Variants in RIMS2 observed in about 807,000 individuals in gnomAD.
RIMS2 encodes the protein regulating synaptic membrane exocytosis 2.
RIMS2 carries 59 observed loss-of-function variants against 174.4 expected under a neutral mutation model. That is an observed-to-expected ratio of 0.34 (90% CI 0.27 to 0.42). RIMS2 has a LOEUF of 0.42. Among genes scored for constraint, RIMS2 ranks in the 10% least tolerant of loss-of-function variants. The pLI is 1.00. For synonymous variants in RIMS2, 606 were observed against 572.5 expected (o/e 1.06, Z -0.84); for missense variants, 1,620 against 1,666.3 (o/e 0.97, Z 0.48).
chr8:103,659,038 C>T (rs1013082059), intron 1 of RIMS2, among the ~76,000 whole-genome samples: 3 of 152,134 alleles, frequency 2.0e-5, no homozygotes, highest in Non-Finnish European at 2.9e-5. Flanking sequence ...TGATAGAAAT[C>T]GAAGAGTCCT....
At chr8:103,598,490 T>G (rs1447361727) in intron 1 of RIMS2, among the ~76,000 whole-genome samples, 1 of 152,192 alleles carries the variant, frequency 6.6e-6, no homozygotes, top group Non-Finnish European at 1.5e-5. Context: ...ATTTTATTTG[T>G]CAGGAAAATA....
intron 1 of RIMS2, among the ~76,000 whole-genome samples, chr8:103,675,531 A>C (rs1333276889): frequency 2.6e-5 from 4 of 152,204 alleles, no homozygotes; most frequent in Non-Finnish European, 5.9e-5. Flanking sequence ...CAGAACCTAG[A>C]GGCTTGAAAC....
chr8:103,685,858 T>TA (rs1460912678), intron 1 of RIMS2, among the ~76,000 whole-genome samples: 3 of 152,126 alleles, frequency 2.0e-5, no homozygotes, highest in South Asian at 2.1e-4. Flanking sequence ...CAATTTTTAT[T>TA]AAAAAAATGC....
chr8:104,135,036 T>G (rs1347536524), intron 19 of RIMS2, among the ~76,000 whole-genome samples: 1 of 152,196 alleles, frequency 6.6e-6, no homozygotes, highest in Non-Finnish European at 1.5e-5. Context: ...TCATGAAGTT[T>G]TTTTCATAAT....
intron 1 of RIMS2, among the ~76,000 whole-genome samples, chr8:103,607,976 C>T (rs1316474715): frequency 4.1e-5 from 6 of 146,344 alleles, no homozygotes; most frequent in Non-Finnish European, 7.5e-5. Flanking sequence ...GTAATTTGAT[C>T]GTCTGAAGCC....
At chr8:103,649,648 C>CTTTTTTTTTTTTT (rs71575979) in intron 1 of RIMS2, among the ~76,000 whole-genome samples, 1 of 143,408 alleles carries the variant, frequency 7.0e-6, no homozygotes, top group African/African-American at 2.6e-5. Flanking sequence ...CCTTTTCATT[C>CTTTTTTTTTTTTT]TTTTTTTTTT....
rs187505435 is a variant in RIMS2 at position 103,792,986 on chromosome 8, C to T, written c.698+26449C>T. 3.7e-3 allele frequency among the ~76,000 whole-genome samples: 566 copies of T among 152,156 alleles called. 2 individuals carry two copies. The highest frequency in any genetic ancestry group is 0.017 in the Middle Eastern group (5 of 294). On this transcript the variant is annotated intron_variant, in intron 3 of 23. Transcript: ENST00000504942. ...GTCCAGGACCAGATGGATTCACAGC[C>T]GAATTCTACCAGAGGTACAAAGATG...
At chr8:104,044,946 A>G (rs1158597958) in intron 19 of RIMS2, among the ~76,000 whole-genome samples, 1 of 151,842 alleles carries the variant, frequency 6.6e-6, no homozygotes, top group Non-Finnish European at 1.5e-5. Context: ...ATTTTAGAAA[A>G]GGAAGCAGTA....
intron 3 of RIMS2, chr8:103,768,344 C>T (rs919065993): frequency 3.5e-5 from 24 of 694,126 alleles, no homozygotes; most frequent in South Asian, 7.7e-5. Flanking sequence ...GGATGATAAA[C>T]GCAAACTCTG....
chr8:104,039,415 T>A (rs991336709), intron 19 of RIMS2, among the ~76,000 whole-genome samples: 3 of 151,702 alleles, frequency 2.0e-5, no homozygotes, highest in African/African-American at 7.2e-5. Context: ...CATGAGTGAA[T>A]TGAGAATAAT....
chr8:103,593,348 A>G (rs1380100430), intron 1 of RIMS2, among the ~76,000 whole-genome samples: 5 of 151,680 alleles, frequency 3.3e-5, no homozygotes, highest in South Asian at 4.1e-4. Context: ...AAAATTGCAC[A>G]TGGGTAAAAG....
intron 1 of RIMS2, among the ~76,000 whole-genome samples, chr8:103,516,264 AAG>A (rs958871003): frequency 4.2e-4 from 64 of 152,040 alleles, no homozygotes; most frequent in Non-Finnish European, 7.2e-4. Flanking sequence ...TAGTTTGAGA[AAG>A]AGAAGAATTA....
At chr8:103,648,790 T>C (rs1308996580) in intron 1 of RIMS2, among the ~76,000 whole-genome samples, 1 of 152,228 alleles carries the variant, frequency 6.6e-6, no homozygotes, top group Non-Finnish European at 1.5e-5. Flanking sequence ...TAAATTTGTT[T>C]GGTAAATTTT....
At chr8:103,948,103 TA>T (rs2084283982) in intron 14 of RIMS2, among the ~76,000 whole-genome samples, 1 of 152,174 alleles carries the variant, frequency 6.6e-6, no homozygotes. Context: ...CCAACATCGT[TA>T]GTTATTAGTG....
At chr8:103,576,138 T>A (rs2093216554) in intron 1 of RIMS2, among the ~76,000 whole-genome samples, 1 of 152,192 alleles carries the variant, frequency 6.6e-6, no homozygotes, top group Non-Finnish European at 1.5e-5. Context: ...CCCCTGGGCA[T>A]GAATCCCTAG....
At position 103,979,275 on chromosome 8, in the gene RIMS2, T is replaced by C. The variant is rs73295526; in HGVS notation, c.2927+3769T>C. On this transcript the variant is annotated intron_variant, in intron 16 of 23. Transcript: ENST00000504942. ...TGCTTCAAAATGATGAAATAGGATA[T>C]TACCTCACAACTGTTAGAATGGCTC... 4.4e-3 allele frequency among the ~76,000 whole-genome samples: 671 copies of C among 152,244 alleles called. 7 individuals carry two copies. The highest frequency in any genetic ancestry group is 0.015 in the African/African-American group (638 of 41,548).
intron 6 of RIMS2, 114 bp downstream of exon 9, chr8:103,912,286 A>G (rs957103882): frequency 4.7e-5 from 32 of 684,838 alleles, no homozygotes; most frequent in Admixed American, 2.4e-4. Context: ...TCCATTTTCA[A>G]TAGTTTGTGA....
At chr8:103,869,216 A>G (rs1330271464) in intron 3 of RIMS2, among the ~76,000 whole-genome samples, 1 of 147,570 alleles carries the variant, frequency 6.8e-6, no homozygotes, top group Non-Finnish European at 1.5e-5. Flanking sequence ...TTTTTTTAAG[A>G]CGGAATTTCG....
At position 103,801,442 on chromosome 8, in the gene RIMS2, T is replaced by G. The variant is rs62527100; in HGVS notation, c.698+34905T>G. 5.3e-3 allele frequency among the ~76,000 whole-genome samples: 810 copies of G among 152,380 alleles called. 14 individuals are homozygous for G. Among genetic ancestry groups the G allele is most frequent in the Non-Finnish European group, 6.3e-3 (428 of 68,026 alleles). ...TTCTAGGGTTGTCTAAATAATCATT[T>G]AAAAGTATTCTTTCTTTTCCTTTTA... On this transcript the variant is annotated intron_variant, in intron 3 of 23. Coordinates refer to ENST00000504942, the Ensembl canonical transcript of RIMS2.
Sources: allele counts gnomAD v4.1 joint callset (sites outside exome capture counted in the v4.1 genomes callset), GRCh38; gene constraint gnomAD v4.1.1; transcripts MANE v1.5; gene names NCBI Gene and HGNC (gene_info 2026-07-23, HGNC 2026-07-21).